Variants in ALPK2 observed in about 807,000 individuals in gnomAD.
The protein encoded by ALPK2 is alpha kinase 2.
A neutral mutation model predicts 163.1 loss-of-function variants in ALPK2; 127 were observed. The observed-to-expected ratio is 0.78, with a 90% CI of 0.67 to 0.90. The LOEUF (loss-of-function observed/expected upper bound fraction) is 0.90, where lower values mean the gene tolerates loss of function less well. ALPK2 is among the 40% of genes least tolerant of loss of function. The pLI is 0.00. For synonymous variants in ALPK2, 953 were observed against 959.1 expected (o/e 0.99, Z 0.12); for missense variants, 2,360 against 2,589.6 (o/e 0.91, Z 1.92).
chr18:58,539,302 A>G (rs945225645), intron 4 of ALPK2, among the ~76,000 whole-genome samples: 1 of 152,178 alleles, frequency 6.6e-6, no homozygotes, highest in Non-Finnish European at 1.5e-5. Context: ...CAGGAAATAG[A>G]AGATTCAGGA....
In ALPK2 at chr18:58,628,344, A is replaced by C. The variant is rs1191187456; in HGVS notation, c.-21+420T>G. The stretch of plus-strand genomic sequence containing the variant: ...GGAATAACTCTTGACTAAAATACTC[A>C]AATATTTCAGACAAAAGTCTCTGGG... On this transcript the variant is annotated intron_variant, in intron 1 of 12. Coordinates refer to ENST00000361673, the MANE Select transcript of ALPK2 (RefSeq NM_052947.4). 2.0e-5 allele frequency among the ~76,000 whole-genome samples: 3 copies of C among 152,320 alleles called. No individual in the cohort carries two copies. The East Asian group carries it at 5.8e-4, about 29-fold the overall frequency.
Position 58,593,796 on chromosome 18 carries a change from T to C in ALPK2, c.228-13248A>G, listed in dbSNP as rs1033565633. 2.0e-5 allele frequency among the ~76,000 whole-genome samples: 3 copies of C among 151,944 alleles called. No individual in the cohort carries two copies. The East Asian group carries it at 5.8e-4, about 29-fold the overall frequency. On this transcript the variant is annotated intron_variant, in intron 3 of 12. Coordinates refer to ENST00000361673, the MANE Select transcript of ALPK2 (RefSeq NM_052947.4). Reference sequence around the variant, plus strand: ...GGGAGGCTGAGGCATGAGAATTGTTTGAACCTGGGAGGCAGAGGTTGCAGT... The same window carrying C: ...GGGAGGCTGAGGCATGAGAATTGTTCGAACCTGGGAGGCAGAGGTTGCAGT...
intron 12 of ALPK2, among the ~76,000 whole-genome samples, chr18:58,483,291 G>A (rs919382630): frequency 1.3e-5 from 2 of 152,166 alleles, no homozygotes; most frequent in Non-Finnish European, 2.9e-5. Context: ...ACTGCCAGCA[G>A]AGTAACCTCT....
intron 4 of ALPK2, among the ~76,000 whole-genome samples, chr18:58,564,591 T>A (rs753733391): frequency 6.6e-6 from 1 of 151,996 alleles, no homozygotes; most frequent in African/African-American, 2.4e-5. Flanking sequence ...TTAGACAGAC[T>A]TTCCTTACCA....
intron 1 of ALPK2, among the ~76,000 whole-genome samples, chr18:58,623,696 C>T (rs1292868004): frequency 2.0e-5 from 3 of 152,206 alleles, no homozygotes; most frequent in African/African-American, 7.2e-5. Flanking sequence ...AAACTCCTGA[C>T]CTCAAGTGAT....
intron 4 of ALPK2, among the ~76,000 whole-genome samples, chr18:58,563,005 T>C (rs1054469996): frequency 1.3e-5 from 2 of 152,160 alleles, no homozygotes; most frequent in African/African-American, 4.8e-5. Context: ...ACATATAAAT[T>C]TTTAGGGGTT....
At chr18:58,573,348 A>G (rs142173977) in intron 4 of ALPK2, among the ~76,000 whole-genome samples, 19,900 of 138,118 alleles carry the variant, frequency 0.14, 1,748 homozygotes, top group African/African-American at 0.21. Context: ...ATATATATGT[A>G]TATATATATG....
intron 12 of ALPK2, among the ~76,000 whole-genome samples, chr18:58,492,487 A>G (rs1314407384): frequency 6.6e-6 from 1 of 151,940 alleles, no homozygotes; most frequent in African/African-American, 2.4e-5. Flanking sequence ...TTTCTTGTCT[A>G]TTCTGGTCTT....
At chr18:58,570,358 T>C (rs1256525410) in intron 4 of ALPK2, among the ~76,000 whole-genome samples, 1 of 152,258 alleles carries the variant, frequency 6.6e-6, no homozygotes, top group Non-Finnish European at 1.5e-5. Context: ...AAACATTTAC[T>C]AGAGCCCTGT....
chr18:58,567,957 C>T (rs1312287354), intron 4 of ALPK2, among the ~76,000 whole-genome samples: 1 of 152,186 alleles, frequency 6.6e-6, no homozygotes, highest in Non-Finnish European at 1.5e-5. Flanking sequence ...TCCGCACCCT[C>T]AAGCTGGCTC....
intron 5 of ALPK2, 38 bp from the exon 6 acceptor site, chr18:58,529,276 A>G (rs372200997): frequency 1.8e-5 from 28 of 1,573,318 alleles, no homozygotes; most frequent in Non-Finnish European, 2.4e-5. Flanking sequence ...GTAACAAAAG[A>G]CTTTCCCATT....
rs764195983 is a variant in ALPK2 at position 58,611,816 on chromosome 18, A to G, written c.-19T>C. The G allele has an allele frequency of 1.8e-5, 26 of 1,482,052 alleles. No individual in the cohort carries two copies. The highest frequency in any genetic ancestry group is 2.4e-5 in the Non-Finnish European group (26 of 1,091,008). 91.8% of individuals were successfully genotyped at this position (1,482,052 alleles called of 1,614,324 possible). A position where few individuals can be genotyped will look rare whatever the true frequency, so the allele number is the denominator to read the frequency against. On this transcript the variant is annotated splice_region_variant and 5_prime_UTR_variant, in exon 2 of 13. Coordinates refer to ENST00000361673, the MANE Select transcript of ALPK2 (RefSeq NM_052947.4). ...CTTTCATCCTTTCATGCCGCACCAA[A>G]TCTGAAAAAAAAAAAAATCCCCGAC...
chr18:58,543,391 C>A (rs1034107458), intron 4 of ALPK2: 9 of 985,256 alleles, frequency 9.1e-6, no homozygotes, highest in Non-Finnish European at 1.1e-5. Flanking sequence ...TATGTGTAGA[C>A]CACACAGGAG....
chr18:58,595,794 G>A (rs972339825), intron 3 of ALPK2, among the ~76,000 whole-genome samples: 1 of 152,098 alleles, frequency 6.6e-6, no homozygotes, highest in African/African-American at 2.4e-5. Flanking sequence ...AAATGCACAC[G>A]AATCACTTGG....
chr18:58,606,282 G>C (rs544888663), intron 3 of ALPK2, among the ~76,000 whole-genome samples: 38 of 152,130 alleles, frequency 2.5e-4, no homozygotes, highest in Middle Eastern at 3.4e-3. Context: ...GTCTCACTGT[G>C]TTGCCCAGGC....
chr18:58,516,662 A>G (rs2051523005), intron 9 of ALPK2, among the ~76,000 whole-genome samples: 1 of 152,156 alleles, frequency 6.6e-6, no homozygotes, highest in African/African-American at 2.4e-5. Context: ...AATCAATTAT[A>G]TCTCGGGTTA....
At chr18:58,563,236 A>G (rs945634590) in intron 4 of ALPK2, among the ~76,000 whole-genome samples, 2 of 152,214 alleles carry the variant, frequency 1.3e-5, no homozygotes, top group African/African-American at 2.4e-5. Context: ...ATATCTGCTC[A>G]TGATCACACT....
At chr18:58,517,571 C>G (rs4592736) in intron 8 of ALPK2, among the ~76,000 whole-genome samples, 79,109 of 151,962 alleles carry the variant, frequency 0.52, 21,996 homozygotes, top group Non-Finnish European at 0.62. Context: ...TCGGACCAAC[C>G]TTTCTTTCAT....
At chr18:58,539,457 CA>C (rs1368320972) in intron 4 of ALPK2, among the ~76,000 whole-genome samples, 2 of 152,196 alleles carry the variant, frequency 1.3e-5, no homozygotes, top group Admixed American at 1.3e-4. Flanking sequence ...TTCAAGGAAG[CA>C]GCAAACTCTT....
Sources: allele counts gnomAD v4.1 joint callset (sites outside exome capture counted in the v4.1 genomes callset), GRCh38; gene constraint gnomAD v4.1.1; transcripts MANE v1.5; gene names NCBI Gene and HGNC (gene_info 2026-07-23, HGNC 2026-07-21).